Variants in TRIM46 observed in about 807,000 individuals in gnomAD.
TRIM46 encodes the protein tripartite motif containing 46.
In TRIM46, 17 loss-of-function variants were observed where a neutral mutation model predicts 69.7. That is an observed-to-expected ratio of 0.24 (90% CI 0.17 to 0.37). TRIM46 has a LOEUF of 0.37. Ranked by LOEUF, TRIM46 falls within the 10% of genes least tolerant of loss-of-function variation. The pLI is 1.00. For missense variants in TRIM46, 675 were observed against 1,025.1 expected (o/e 0.66, Z 4.66); for synonymous variants, 391 against 429.0 (o/e 0.91, Z 1.09).
At position 155,178,197 on chromosome 1, in the gene TRIM46, G is replaced by A. The variant is rs1665838756; in HGVS notation, c.1105G>A (p.Val369Ile). 2 of 1,613,242 alleles carry A rather than the reference G, an allele frequency of 1.2e-6. No homozygotes were observed. Among genetic ancestry groups the A allele is most frequent in the Non-Finnish European group, 1.7e-6 (2 of 1,179,268 alleles). The change falls in exon 6 of 10, where the codon GTA becomes ATA. Residue 369 changes from valine (V) to isoleucine (I), a missense_variant. Val to Ile is a conservative substitution (Grantham distance 29, BLOSUM62 3). This residue lies in a region of TRIM46 where 361 missense variants were observed against 498.3 expected (regional missense o/e 0.72). Coordinates refer to ENST00000334634, the MANE Select transcript of TRIM46 (RefSeq NM_025058.5). ...GSGLVGYAQE[V>I]LKETDQPCFV... ...AGGTCTGGTGGGCTATGCCCAGGAA[G>A]TACTTAAGGAAACAGACCAGCCTTG...
In TRIM46 at chr1:155,175,590, C is replaced by T. The variant is rs779977977; in HGVS notation, c.268C>T (p.Arg90Cys). The T allele has an allele frequency of 3.8e-5, 62 of 1,613,690 alleles. No individual in the cohort carries two copies. Among genetic ancestry groups the T allele is most frequent in the Non-Finnish European group, 4.9e-5 (58 of 1,179,960 alleles). The change falls in exon 2 of 10, where the codon CGC (arginine) becomes TGC (cysteine). Residue 90 changes from arginine (R) to cysteine (C), a missense_variant. Around this residue, in one of 5 missense-constraint regions of TRIM46, gnomAD observed 170 missense variants for 255.6 expected, o/e 0.67. Transcript: ENST00000334634. The surrounding 1 kb of genome is among the most constrained non-coding windows in gnomAD (Gnocchi z 4.2). ...PASTPSTRSPRLSRRTLPKPD... is the reference protein window; with the variant it reads ...PASTPSTRSPCLSRRTLPKPD... The stretch of plus-strand genomic sequence containing the variant: ...CTCCACCCCTTCCACCCGCAGCCCC[C>T]GCCTCTCCCGCAGAACTCTCCCCAA...
intron 9 of TRIM46, 151 bp from the exon 10 acceptor site, chr1:155,183,646 C>G (rs1666343990): frequency 1.0e-6 from 1 of 996,156 alleles, no homozygotes; most frequent in African/African-American, 1.6e-5. Flanking sequence ...ATACTCTAAC[C>G]CCTGCCTCTT....
chr1:155,184,426 C>G lies in TRIM46; in HGVS notation c.*236C>G. On this transcript the variant is annotated 3_prime_UTR_variant, in exon 10 of 10. Transcript: ENST00000334634. This position sits in a 1 kb window ranked among gnomAD's most constrained non-coding sequence, Gnocchi z 5.6. ...TTGCTTGTTAGCCAGGCCCCCACCC[C>G]CACTGAGTCTGCCCTATGACCTGCC... is the stretch of plus-strand genomic sequence containing the variant. 2 of 551,612 alleles carry G rather than the reference C, an allele frequency of 3.6e-6. No individual in the cohort carries two copies. The highest frequency in any genetic ancestry group is 2.4e-5 in the South Asian group (1 of 42,502). The allele number at this position is 551,612 out of a possible 1,614,324, so 34.2% of individuals were successfully genotyped here. A position where few individuals can be genotyped will look rare whatever the true frequency, so the allele number is the denominator to read the frequency against.
At chr1:155,183,669 C>T in intron 9 of TRIM46, 128 bp from the exon 10 acceptor site, 1 of 1,298,960 alleles carries the variant, frequency 7.7e-7, no homozygotes, top group Admixed American at 2.1e-5. Flanking sequence ...GCGTTTTCTT[C>T]TCAACACCCA....
At chr1:155,176,745 G>A (rs149676926) in intron 3 of TRIM46, among the ~76,000 whole-genome samples, 187 bp from the exon 4 acceptor site, 64 of 152,302 alleles carry the variant, frequency 4.2e-4, no homozygotes, top group Non-Finnish European at 7.8e-4. Flanking sequence ...AATGGGCACC[G>A]CCCGGAGACT....
At chr1:155,174,748 C>G in intron 1 of TRIM46, 2 of 1,459,386 alleles carry the variant, frequency 1.4e-6, no homozygotes, top group Non-Finnish European at 1.8e-6. Context: ...TCTTGATTCC[C>G]CCGCTAGTTC....
chr1:155,175,094 GC>G lies in TRIM46; in HGVS notation c.64-290del. The G allele has an allele frequency of 7.4e-7, 1 of 1,359,600 alleles. No homozygotes were observed. Among genetic ancestry groups the G allele is most frequent in the South Asian group, 1.8e-5 (1 of 55,588 alleles). The allele number at this position is 1,359,600 out of a possible 1,614,324, so 84.2% of individuals were successfully genotyped here. A position where few individuals can be genotyped will look rare whatever the true frequency, so the allele number is the denominator to read the frequency against. Reference sequence around the variant, plus strand: ...GGGGATGGAGGCAGGTGAGGGGGCTGCCAGCTGGGGCTACTGCAGCTGGAGA... The same window carrying G: ...GGGGATGGAGGCAGGTGAGGGGGCTGCAGCTGGGGCTACTGCAGCTGGAGA... On this transcript the variant is annotated intron_variant, in intron 1 of 9. Coordinates refer to ENST00000334634, the MANE Select transcript of TRIM46 (RefSeq NM_025058.5). This position sits in a 1 kb window ranked among gnomAD's most constrained non-coding sequence, Gnocchi z 4.2.
Position 155,175,913 on chromosome 1 carries a change from G to T in TRIM46, c.351G>T (p.Lys117Asn). The T allele has an allele frequency of 1.9e-6, 3 of 1,590,702 alleles. No homozygotes were observed. The highest frequency in any genetic ancestry group is 2.6e-6 in the Non-Finnish European group (3 of 1,166,194). The change falls in exon 3 of 10, where the codon AAG becomes AAT. Residue 117 changes from lysine (K) to asparagine (N), a missense_variant. This residue lies in a region of TRIM46 where 170 missense variants were observed against 255.6 expected (regional missense o/e 0.67). Coordinates refer to ENST00000334634, the MANE Select transcript of TRIM46 (RefSeq NM_025058.5). The surrounding 1 kb of genome is among the most constrained non-coding windows in gnomAD (Gnocchi z 4.2). ...KSGFGTYPGR[K>N]RGALHPQVIM... ...GCTTTGGGACATACCCTGGGAGGAA[G>T]CGAGGTGCTTTGCACCCCCAAGTGA...
chr1:155,174,732 C>T (rs1665489485), intron 1 of TRIM46: 5 of 1,443,770 alleles, frequency 3.5e-6, no homozygotes, highest in Admixed American at 5.2e-5. Flanking sequence ...GGCGAGTAGG[C>T]GGGGCTCTTG....
intron 1 of TRIM46, chr1:155,174,956 G>A (rs757232279): frequency 8.6e-6 from 12 of 1,388,418 alleles, no homozygotes; most frequent in African/African-American, 1.5e-5. Context: ...CCTGGCTATC[G>A]GGAGGAATCA....
At position 155,177,248 on chromosome 1, in the gene TRIM46, G is replaced by C. The variant is rs776212845; in HGVS notation, c.867G>C (p.Gln289His). Residue 289 changes from glutamine (Q) to histidine (H), a missense_variant, in exon 5 of 10, where the codon CAG (glutamine) becomes CAC (histidine). This residue lies in a region of TRIM46 where 361 missense variants were observed against 498.3 expected (regional missense o/e 0.72). Coordinates refer to ENST00000334634, the MANE Select transcript of TRIM46 (RefSeq NM_025058.5). ...TCCTGGGAAACCAGGACACGGTACA[G>C]ACCCAGATCTGTGAGCTGGAGGAGG... ...TYILGNQDTV[Q>H]TQICELEEAV... 3.5e-5 allele frequency: 56 copies of C among 1,614,034 alleles called. No individual in the cohort carries two copies. Among genetic ancestry groups the C allele is most frequent in the Non-Finnish European group, 4.7e-5 (56 of 1,180,032 alleles).
chr1:155,174,848 T>G, intron 1 of TRIM46: 1 of 1,413,564 alleles, frequency 7.1e-7, no homozygotes, highest in Non-Finnish European at 9.2e-7. Context: ...GTAAGACCGA[T>G]GGGGAAGTGA....
Position 155,178,476 on chromosome 1 carries a change from C to G in TRIM46, c.1164-16C>G. ...CCCACATGGCAGTGCCTGACCCTTT[C>G]TTGCCCCCATCCCAGGATTGCCCGA... On this transcript the variant is annotated splice_polypyrimidine_tract_variant and intron_variant, in intron 6 of 9. Coordinates refer to ENST00000334634, the MANE Select transcript of TRIM46 (RefSeq NM_025058.5). The G allele has an allele frequency of 6.2e-7, 1 of 1,613,542 alleles. No homozygotes were observed. Among genetic ancestry groups the G allele is most frequent in the Non-Finnish European group, 8.5e-7 (1 of 1,180,006 alleles).
chr1:155,177,129 C>A lies in TRIM46; in HGVS notation c.813+54C>A. ...GCTAACTCACACTCTTACCCTCTTG[C>A]ACCTCCTCCCAACTGCTGGCTTCTG... On this transcript the variant is annotated intron_variant, in intron 4 of 9. Coordinates refer to ENST00000334634, the MANE Select transcript of TRIM46 (RefSeq NM_025058.5). 9.9e-6 allele frequency: 16 copies of A among 1,613,916 alleles called. No homozygotes were observed. The South Asian group carries it at 1.6e-4, about 17-fold the overall frequency.
chr1:155,175,275 A>G lies in TRIM46; in HGVS notation c.64-111A>G. 6.4e-7 allele frequency: 1 copy of G among 1,554,658 alleles called. No homozygotes were observed. The highest frequency in any genetic ancestry group is 8.6e-7 in the Non-Finnish European group (1 of 1,158,602). On this transcript the variant is annotated intron_variant, in intron 1 of 9. Coordinates refer to ENST00000334634, the MANE Select transcript of TRIM46 (RefSeq NM_025058.5). The surrounding 1 kb of genome is among the most constrained non-coding windows in gnomAD (Gnocchi z 4.2). ...CAGGTGCTCTGGAAAAGCTGCAGGT[A>G]GCTTGTCTTGCTCCTTCCTCAGACC...
chr1:155,174,593 T>C (rs921393830), intron 1 of TRIM46: 1 of 1,526,884 alleles, frequency 6.5e-7, no homozygotes, highest in Non-Finnish European at 8.8e-7. Context: ...CTCCCTCCTT[T>C]GTGTCAGCTG....
intron 7 of TRIM46, chr1:155,178,949 T>TATATATATATATA: frequency 1.2e-6 from 1 of 862,406 alleles, no homozygotes; most frequent in Non-Finnish European, 1.7e-6. Context: ...CTTCCTTCTC[T>TATATATATATATA]TTCCTGCCTT....
chr1:155,179,781 C>A lies in TRIM46; in HGVS notation c.1435C>A (p.Arg479Ser), dbSNP rs374448627. The A allele has an allele frequency of 1.9e-6, 3 of 1,613,324 alleles. No homozygotes were observed. Among genetic ancestry groups the A allele is most frequent in the East Asian group, 2.2e-5 (1 of 44,884 alleles). ...TGTGCCTGCTCAGCCAGGCCCCACC[C>A]GCTGGCAGCGGCGGGAGGAGGTGAG... ...TDVPAQPGPT[R>S]WQRREEVRGT... Residue 479 changes from arginine (R) to serine (S), a missense_variant, in exon 8 of 10, where the codon CGC becomes AGC. Around this residue, in one of 5 missense-constraint regions of TRIM46, gnomAD observed 361 missense variants for 498.3 expected, o/e 0.72. Transcript: ENST00000334634.
intron 3 of TRIM46, 112 bp from the exon 4 acceptor site, chr1:155,176,820 T>A: frequency 7.5e-7 from 1 of 1,331,274 alleles, no homozygotes; most frequent in South Asian, 1.3e-5. Context: ...CACCAGCGGA[T>A]GTCTCCACTC....
Sources: allele counts gnomAD v4.1 joint callset (sites outside exome capture counted in the v4.1 genomes callset), GRCh38; gene constraint gnomAD v4.1.1; regional missense constraint gnomAD v4.1.1; non-coding constraint Gnocchi (gnomAD v3.1); transcripts MANE v1.5; gene names NCBI Gene and HGNC (gene_info 2026-07-23, HGNC 2026-07-21).